SLC24A2: variants seen among roughly 807,000 people sequenced by gnomAD.
The protein encoded by SLC24A2 is sodium/potassium/calcium exchanger 2.
A neutral mutation model predicts 62.0 loss-of-function variants in SLC24A2; 36 were observed. That is an observed-to-expected ratio of 0.58 (90% confidence interval 0.44 to 0.77). The LOEUF (loss-of-function observed/expected upper bound fraction) is 0.77. Ranked by LOEUF, SLC24A2 falls within the 30% of genes least tolerant of loss-of-function variation. The pLI is 0.00. For synonymous variants in SLC24A2, 358 were observed against 294.0 expected (o/e 1.22, Z -2.23); for missense variants, 846 against 817.9 (o/e 1.03, Z -0.42).
At chr9:20,050,240 CA>C in the SLC24A2 span, among the ~76,000 whole-genome samples, 204 of 59,544 alleles carry the variant, frequency 3.4e-3, no homozygotes, top group Middle Eastern at 0.015. Flanking sequence ...CCCGTCTCTA[CA>C]AAAAAAAAAA....
intron 7 of SLC24A2, among the ~76,000 whole-genome samples, chr9:19,563,934 G>C: frequency 6.8e-6 from 1 of 148,102 alleles, no homozygotes; most frequent in Non-Finnish European, 1.5e-5. Context: ...GCTCATTGCA[G>C]CCTCTGCCTC....
rs111970686 is a variant in SLC24A2 at position 19,771,415 on chromosome 9, G to C, written c.930+14522C>G. Among the ~76,000 whole-genome samples, 765 of 152,242 alleles carry C rather than the reference G, an allele frequency of 5.0e-3. 7 individuals carry two copies. Among genetic ancestry groups the C allele is most frequent in the African/African-American group, 0.018 (735 of 41,536 alleles). ...TCTCACCTTCACTTAGACTTTCAAG[G>C]TCAGAGCTATTTGTGGCTATCCACT... On this transcript the variant is annotated intron_variant, in intron 2 of 10. Coordinates refer to ENST00000341998, the MANE Select transcript of SLC24A2 (RefSeq NM_020344.4).
chr9:20,272,067 C>G, the SLC24A2 span, among the ~76,000 whole-genome samples: 2 of 152,288 alleles, frequency 1.3e-5, no homozygotes, highest in Non-Finnish European at 1.5e-5. Flanking sequence ...GGATAATTAT[C>G]CTGCAATGCT....
At chr9:20,155,257 T>C in the SLC24A2 span, among the ~76,000 whole-genome samples, 2 of 151,744 alleles carry the variant, frequency 1.3e-5, no homozygotes, top group African/African-American at 2.4e-5. Flanking sequence ...TCTTAGCCAA[T>C]AGTGCTTAAA....
the SLC24A2 span, among the ~76,000 whole-genome samples, chr9:19,887,199 A>G: frequency 1.3e-5 from 2 of 152,224 alleles, no homozygotes; most frequent in African/African-American, 4.8e-5. Context: ...GTACCCTGGA[A>G]CTTAAAATTT....
At chr9:19,582,380 G>C (rs369000520) in intron 5 of SLC24A2, among the ~76,000 whole-genome samples, 67 of 152,228 alleles carry the variant, frequency 4.4e-4, no homozygotes, top group Admixed American at 1.4e-3. Context: ...AGGGTTACTG[G>C]GGTGGTGATC....
At chr9:20,077,623 G>C in the SLC24A2 span, among the ~76,000 whole-genome samples, 12 of 144,600 alleles carry the variant, frequency 8.3e-5, no homozygotes, top group African/African-American at 2.4e-4. Context: ...AAACTCAGAA[G>C]TGCCTCTAGG....
the SLC24A2 span, among the ~76,000 whole-genome samples, chr9:20,133,907 T>C: frequency 6.6e-6 from 1 of 152,162 alleles, no homozygotes; most frequent in Non-Finnish European, 1.5e-5. Context: ...CAGTTTAACT[T>C]AATAAGGTAA....
At chr9:20,178,064 T>C in the SLC24A2 span, among the ~76,000 whole-genome samples, 7 of 152,136 alleles carry the variant, frequency 4.6e-5, no homozygotes, top group Non-Finnish European at 8.8e-5. Context: ...CTATTAACTA[T>C]AGAGTCTGGA....
chr9:19,670,511 G>A (rs1819383780), intron 2 of SLC24A2, among the ~76,000 whole-genome samples: 3 of 151,990 alleles, frequency 2.0e-5, no homozygotes, highest in Admixed American at 2.0e-4. Context: ...AAAGTGCCAG[G>A]GACTTTATGC....
At chr9:20,254,558 C>T in the SLC24A2 span, among the ~76,000 whole-genome samples, 2 of 152,098 alleles carry the variant, frequency 1.3e-5, no homozygotes, top group Admixed American at 1.3e-4. Context: ...CAAGTTGTAC[C>T]TCTATTAATC....
At chr9:19,688,727 T>G (rs776574764) in intron 2 of SLC24A2, among the ~76,000 whole-genome samples, 1 of 152,114 alleles carries the variant, frequency 6.6e-6, no homozygotes, top group Non-Finnish European at 1.5e-5. Context: ...TTGAATATTA[T>G]TTTACTGATA....
rs532874895 is a variant in SLC24A2 at position 19,514,371 on chromosome 9, A to G, written c.*1782T>C. The G allele has an allele frequency of 1.3e-5, 2 of 152,336 alleles. No individual in the cohort carries two copies. Among genetic ancestry groups the G allele is most frequent in the East Asian group, 3.9e-4 (2 of 5,188 alleles). The allele number at this position is 152,336 out of a possible 1,614,324, so 9.4% of individuals were successfully genotyped here. On this transcript the variant is annotated 3_prime_UTR_variant, in exon 11 of 11. Transcript: ENST00000341998. ...CATATGGTGAAATTTCCCATATGCC[A>G]TATGTACCAACTTAGACGTAGGATG...
chr9:19,963,358 A>G, the SLC24A2 span, among the ~76,000 whole-genome samples: 3 of 151,792 alleles, frequency 2.0e-5, no homozygotes, highest in Admixed American at 6.6e-5. Context: ...AAAAGCCAAA[A>G]TTGACAAATG....
chr9:20,188,070 C>T, the SLC24A2 span, among the ~76,000 whole-genome samples: 1 of 152,220 alleles, frequency 6.6e-6, no homozygotes, highest in East Asian at 1.9e-4. Context: ...CTGATCCCCA[C>T]CTGGCCTCTT....
At chr9:20,191,575 C>T in the SLC24A2 span, among the ~76,000 whole-genome samples, 8 of 151,652 alleles carry the variant, frequency 5.3e-5, no homozygotes, top group Non-Finnish European at 8.8e-5. Flanking sequence ...ATTACATTCT[C>T]TGGCATATAT....
the SLC24A2 span, among the ~76,000 whole-genome samples, chr9:20,140,855 G>A: frequency 6.6e-6 from 1 of 152,116 alleles, no homozygotes; most frequent in Non-Finnish European, 1.5e-5. Context: ...CCTTAGAAAC[G>A]AAAGTCCTGC....
chr9:19,577,809 TAAAG>T (rs1274080864), intron 5 of SLC24A2, among the ~76,000 whole-genome samples: 1 of 149,446 alleles, frequency 6.7e-6, no homozygotes, highest in Non-Finnish European at 1.5e-5. Context: ...AACGAGTGGA[TAAAG>T]AAACTGTTAT....
chr9:19,696,409 G>A (rs1405108467), intron 2 of SLC24A2, among the ~76,000 whole-genome samples: 1 of 152,148 alleles, frequency 6.6e-6, no homozygotes, highest in Non-Finnish European at 1.5e-5. Flanking sequence ...TTGATGAGGG[G>A]CCTAGTACAG....
Sources: gnomAD v4.1 joint callset for allele counts (sites outside exome capture counted in the v4.1 genomes callset) on GRCh38, gnomAD v4.1.1 for gene constraint, MANE v1.5 for transcripts, NCBI Gene and HGNC (gene_info 2026-07-23, HGNC 2026-07-21) for gene names.